Variants in XPOT observed in about 807,000 individuals in gnomAD.
XPOT encodes exportin for tRNA, also known as exportin-T.
In XPOT, 34 loss-of-function variants were observed where a neutral mutation model predicts 128.2. The observed-to-expected ratio is 0.27, with a 90% CI of 0.20 to 0.35. The LOEUF is 0.35. XPOT is among the 10% of genes least tolerant of loss of function. The pLI is 1.00. For synonymous variants in XPOT, 348 were observed against 394.3 expected (o/e 0.88, Z 1.39); for missense variants, 838 against 1,125.3 (o/e 0.74, Z 3.65).
intron 22 of XPOT, among the ~76,000 whole-genome samples, chr12:64,437,383 T>C (rs1592338974): frequency 6.6e-6 from 1 of 152,270 alleles, no homozygotes; most frequent in Non-Finnish European, 1.5e-5. Context: ...CTAAGCAAGC[T>C]ATAGGAAAGA....
In XPOT at chr12:64,420,304, T is replaced by G. The variant is rs778294049; in HGVS notation, c.675-49T>G. ...GTATAAACTTGTAAAATACAGTATC[T>G]AAAACTCATGACTTTGAAAATGTTA... On this transcript the variant is annotated intron_variant, in intron 7 of 24. Transcript: ENST00000332707. The G allele has an allele frequency of 5.0e-6, 8 of 1,599,838 alleles. No homozygotes were observed. In the African/African-American group the frequency reaches 9.4e-5, roughly 19 times the overall value.
intron 3 of XPOT, 88 bp downstream of exon 3, chr12:64,415,077 C>T: frequency 1.3e-6 from 1 of 765,404 alleles, no homozygotes; most frequent in East Asian, 2.6e-5. Context: ...AAAGTGTTTT[C>T]ATAAAAACAT....
Position 64,425,630 on chromosome 12 carries a change from A to G in XPOT, c.1572+173A>G, listed in dbSNP as rs1166977479. The G allele has an allele frequency of 3.0e-6, 3 of 1,001,164 alleles. No individual in the cohort carries two copies. In the East Asian group the frequency reaches 7.3e-5, roughly 24 times the overall value. 62.0% of individuals were successfully genotyped at this position (1,001,164 alleles called of 1,614,324 possible). A position where few individuals can be genotyped will look rare whatever the true frequency, so the allele number is the denominator to read the frequency against. ...TCTTTTAAATGGATAGTTTGTGCCC[A>G]ATTAGTCAACTAAAACAAGTTCTCA... On this transcript the variant is annotated intron_variant, in intron 14 of 24. Coordinates refer to ENST00000332707, the MANE Select transcript of XPOT (RefSeq NM_007235.6).
In XPOT at chr12:64,421,418, A is replaced by G; in HGVS notation, c.1027A>G (p.Ile343Val). 2 of 1,614,020 alleles carry G rather than the reference A, an allele frequency of 1.2e-6. No individual in the cohort carries two copies. Among genetic ancestry groups the G allele is most frequent in the Non-Finnish European group, 1.7e-6 (2 of 1,179,932 alleles). ...LQLLIHEDDD[I>V]SSNIIGFCYD... ...GCTACTAATTCATGAGGATGATGATATTTCTTCTAATATTATTGGATTTTG... is the reference window on the plus strand; with the variant it reads ...GCTACTAATTCATGAGGATGATGATGTTTCTTCTAATATTATTGGATTTTG... Residue 343 changes from isoleucine (I) to valine (V), a missense_variant, in exon 9 of 25, where the codon ATT becomes GTT. Ile to Val is a conservative substitution (Grantham distance 29, BLOSUM62 3). Around this residue, in one of 3 missense-constraint regions of XPOT, gnomAD observed 761 missense variants for 988.3 expected, o/e 0.77. Transcript: ENST00000332707.
At chr12:64,431,493 T>A (rs779077403) in intron 17 of XPOT, 45 bp from the exon 18 acceptor site, 1 of 1,589,324 alleles carries the variant, frequency 6.3e-7, no homozygotes, top group Non-Finnish European at 8.6e-7. Context: ...ATAACACTTT[T>A]AAAGAATAAA....
intron 2 of XPOT, among the ~76,000 whole-genome samples, chr12:64,414,301 C>T (rs927401275): frequency 2.0e-5 from 3 of 152,194 alleles, no homozygotes; most frequent in African/African-American, 7.2e-5. Context: ...TAAAAAACTT[C>T]CTCGAGCTTT....
chr12:64,427,967 G>A (rs2040206656), intron 15 of XPOT, 84 bp from the exon 16 acceptor site: 2 of 917,738 alleles, frequency 2.2e-6, no homozygotes, highest in African/African-American at 1.7e-5. Flanking sequence ...CTTTTTTTTA[G>A]TTCTGTCTTA....
intron 9 of XPOT, among the ~76,000 whole-genome samples, chr12:64,422,695 T>A (rs971390255): frequency 2.0e-5 from 3 of 152,232 alleles, no homozygotes; most frequent in African/African-American, 7.2e-5. Context: ...GGCCAGGAGT[T>A]TGAGACCAGC....
chr12:64,416,585 C>T, intron 3 of XPOT, 113 bp from the exon 4 acceptor site: 1 of 777,266 alleles, frequency 1.3e-6, no homozygotes, highest in South Asian at 1.7e-5. Context: ...TGAAACAAGC[C>T]AAAGGTCTAG....
At chr12:64,423,615 G>A (rs535126100) in intron 11 of XPOT, among the ~76,000 whole-genome samples, 2 of 152,096 alleles carry the variant, frequency 1.3e-5, no homozygotes, top group Admixed American at 1.3e-4. Flanking sequence ...CACCATGCCC[G>A]GCTAATTCTT....
At chr12:64,435,516 C>T in intron 21 of XPOT, 111 bp from the exon 22 acceptor site, 3 of 840,406 alleles carry the variant, frequency 3.6e-6, no homozygotes, top group Non-Finnish European at 5.0e-6. Context: ...AAATATTTCT[C>T]TGGAAATATT....
In XPOT at chr12:64,409,955, G is replaced by A. The variant is rs1223257377; in HGVS notation, c.-74-7G>A. ...ATGTTTTCTTTCAACTTTGTTTTTT[G>A]TGGCAGATGTTTATAAATTCTTCTG... On this transcript the variant is annotated splice_polypyrimidine_tract_variant and splice_region_variant and intron_variant, in intron 1 of 24. Coordinates refer to ENST00000332707, the MANE Select transcript of XPOT (RefSeq NM_007235.6). The A allele has an allele frequency of 2.5e-5, 29 of 1,140,598 alleles. No individual in the cohort carries two copies. The highest frequency in any genetic ancestry group is 3.4e-5 in the Non-Finnish European group (26 of 765,722). 70.7% of individuals were successfully genotyped at this position (1,140,598 alleles called of 1,614,324 possible).
chr12:64,424,535 T>C, intron 11 of XPOT, 64 bp from the exon 12 acceptor site: 3 of 1,586,296 alleles, frequency 1.9e-6, no homozygotes, highest in African/African-American at 1.3e-5. Flanking sequence ...CATGTAGCCA[T>C]GGTGGTTTGC....
intron 16 of XPOT, among the ~76,000 whole-genome samples, 199 bp downstream of exon 16, chr12:64,428,319 A>G (rs1397183473): frequency 6.6e-6 from 1 of 152,172 alleles, no homozygotes; most frequent in Non-Finnish European, 1.5e-5. Context: ...TGACAGATCA[A>G]TTTGGCAGCA....
chr12:64,444,345 T>C (rs544176859), intron 23 of XPOT, among the ~76,000 whole-genome samples: 5 of 152,340 alleles, frequency 3.3e-5, no homozygotes, highest in African/African-American at 1.2e-4. Flanking sequence ...ATAAACCTCT[T>C]GTGGTGAGAT....
intron 3 of XPOT, among the ~76,000 whole-genome samples, chr12:64,415,542 T>C (rs950371441): frequency 6.6e-6 from 1 of 151,948 alleles, no homozygotes; most frequent in East Asian, 1.9e-4. Flanking sequence ...GCCCGGCTAA[T>C]TTTTTTGTAT....
At chr12:64,419,693 A>G (rs145764638) in intron 6 of XPOT, among the ~76,000 whole-genome samples, 1 of 152,346 alleles carries the variant, frequency 6.6e-6, no homozygotes, top group East Asian at 1.9e-4. Flanking sequence ...GGTAGTCTCA[A>G]TTTAATACTG....
At chr12:64,412,085 A>G (rs1014744329) in intron 2 of XPOT, among the ~76,000 whole-genome samples, 2 of 131,674 alleles carry the variant, frequency 1.5e-5, no homozygotes, top group Admixed American at 9.4e-5. Flanking sequence ...GTGGAATGGC[A>G]CCATCTTGGC....
chr12:64,432,861 C>G (rs555253135), intron 18 of XPOT, among the ~76,000 whole-genome samples: 2 of 152,234 alleles, frequency 1.3e-5, no homozygotes, highest in East Asian at 3.9e-4. Context: ...ATATGTCTGA[C>G]TATTATTTTA....
Sources: allele counts gnomAD v4.1 joint callset (sites outside exome capture counted in the v4.1 genomes callset), GRCh38; gene constraint gnomAD v4.1.1; regional missense constraint gnomAD v4.1.1; transcripts MANE v1.5; gene names NCBI Gene and HGNC (gene_info 2026-07-23, HGNC 2026-07-21).